Variants in OPRD1 observed in about 807,000 individuals in gnomAD.
OPRD1 encodes opioid receptor delta 1.
OPRD1 carries 19 observed loss-of-function variants against 17.5 expected under a neutral mutation model. That is an observed-to-expected ratio of 1.09 (90% CI 0.76 to 1.60). The LOEUF (loss-of-function observed/expected upper bound fraction) is 1.60, where lower values mean the gene tolerates loss of function less well. Ranked by LOEUF, OPRD1 falls within the 40% of genes most tolerant of loss-of-function variation. The probability of loss-of-function intolerance (pLI) is 0.00; values close to 1 mark genes in which losing one functional copy is unlikely to be tolerated. For synonymous variants in OPRD1, 256 were observed against 240.9 expected (o/e 1.06, Z -0.58); for missense variants, 483 against 547.2 (o/e 0.88, Z 1.17).
intron 1 of OPRD1, among the ~76,000 whole-genome samples, chr1:28,823,819 G>A (rs1167144822): frequency 1.3e-5 from 2 of 149,662 alleles, no homozygotes; most frequent in African/African-American, 4.9e-5. Flanking sequence ...GTGAGCCACC[G>A]TGCCCAGCCC....
rs2089155065 is a variant in OPRD1, at chr1:28,864,456, AC to A, written c.*1175del. On this transcript the variant is annotated 3_prime_UTR_variant, in exon 3 of 3. Transcript: ENST00000234961. ...CTCCAGGATAGGGTAATAAGACAGG[AC>A]CTTGGTTGGAGTAGGGTCCCCAGAA... is the stretch of plus-strand genomic sequence containing the variant. 6.6e-6 allele frequency: 1 copy of A among 151,562 alleles called. No individual in the cohort carries two copies. Among genetic ancestry groups the A allele is most frequent in the Non-Finnish European group, 1.5e-5 (1 of 67,966 alleles). The allele number at this position is 151,562 out of a possible 1,614,324, so 9.4% of individuals were successfully genotyped here. A position where few individuals can be genotyped will look rare whatever the true frequency, so the allele number is the denominator to read the frequency against.
intron 1 of OPRD1, among the ~76,000 whole-genome samples, chr1:28,842,253 C>T (rs1445585303): frequency 6.6e-6 from 1 of 152,196 alleles, no homozygotes; most frequent in Non-Finnish European, 1.5e-5. Context: ...TGGTCTCCAA[C>T]GCCTGAGCTC....
At chr1:28,845,977 T>C (rs1240086807) in intron 1 of OPRD1, among the ~76,000 whole-genome samples, 1 of 152,184 alleles carries the variant, frequency 6.6e-6, no homozygotes, top group Non-Finnish European at 1.5e-5. Flanking sequence ...CTGTTTAAAG[T>C]CTTCAATGGC....
intron 2 of OPRD1, among the ~76,000 whole-genome samples, chr1:28,861,732 C>T (rs1031092427): frequency 6.7e-6 from 1 of 149,256 alleles, no homozygotes; most frequent in Non-Finnish European, 1.5e-5. Context: ...GGCATGAGCC[C>T]CATGCCTGGC....
intron 1 of OPRD1, among the ~76,000 whole-genome samples, chr1:28,818,019 T>C (rs1317744444): frequency 6.6e-6 from 1 of 152,120 alleles, no homozygotes; most frequent in African/African-American, 2.4e-5. Context: ...TGCGCCTGGC[T>C]CATTTTATCA....
At chr1:28,856,423 C>A (rs1178834935) in intron 1 of OPRD1, among the ~76,000 whole-genome samples, 1 of 152,206 alleles carries the variant, frequency 6.6e-6, no homozygotes, top group Non-Finnish European at 1.5e-5. Flanking sequence ...CCAGGCTCTT[C>A]CGGTAATTCT....
chr1:28,849,016 G>T (rs555342703), intron 1 of OPRD1, among the ~76,000 whole-genome samples: 2 of 152,242 alleles, frequency 1.3e-5, no homozygotes, highest in East Asian at 1.9e-4. Context: ...AGAAGGCAAG[G>T]TTTTTTCTTT....
intron 1 of OPRD1, among the ~76,000 whole-genome samples, chr1:28,822,218 G>A (rs2088721199): frequency 6.6e-6 from 1 of 151,874 alleles, no homozygotes; most frequent in Admixed American, 6.6e-5. Context: ...CAAAGTGTTG[G>A]GATTACAGGT....
chr1:28,844,875 G>C (rs866277270), intron 1 of OPRD1, among the ~76,000 whole-genome samples: 2 of 152,080 alleles, frequency 1.3e-5, no homozygotes, highest in Middle Eastern at 3.4e-3. Flanking sequence ...CTCCCGAGTA[G>C]CTGGGATTAC....
Position 28,867,645 on chromosome 1 carries a change from A to T in OPRD1, c.*4362A>T, listed in dbSNP as rs1038953231. On this transcript the variant is annotated 3_prime_UTR_variant, in exon 3 of 3. Coordinates refer to ENST00000234961, the MANE Select transcript of OPRD1 (RefSeq NM_000911.4). ...GTGTGAGCCACTGTGCCCAGCTCTC[A>T]TACCTCGTCTTGATGCAGTAGAAGT... 1.3e-5 allele frequency: 2 copies of T among 152,274 alleles called. No individual in the cohort carries two copies. Among genetic ancestry groups the T allele is most frequent in the African/African-American group, 4.8e-5 (2 of 41,372 alleles). The allele number at this position is 152,274 out of a possible 1,614,324, so 9.4% of individuals were successfully genotyped here.
chr1:28,841,229 C>A (rs1223749338), intron 1 of OPRD1, among the ~76,000 whole-genome samples: 1 of 152,238 alleles, frequency 6.6e-6, no homozygotes, highest in Non-Finnish European at 1.5e-5. Context: ...CCTGACCCCA[C>A]CTGGGCTGTG....
intron 2 of OPRD1, 27 bp from the exon 3 acceptor site, chr1:28,862,715 C>T: frequency 6.4e-7 from 1 of 1,557,986 alleles, no homozygotes; most frequent in Non-Finnish European, 8.7e-7. Flanking sequence ...CTCACCCCGT[C>T]TGTCTTTCCT....
chr1:28,837,522 C>T (rs1401833557), intron 1 of OPRD1, among the ~76,000 whole-genome samples: 1 of 151,796 alleles, frequency 6.6e-6, no homozygotes, highest in East Asian at 1.9e-4. Flanking sequence ...GTGGCGTGCA[C>T]CTGTAGTCCT....
In OPRD1 at chr1:28,839,302, C is replaced by G. The variant is rs559676256; in HGVS notation, c.228-19652C>G. 1.8e-4 allele frequency among the ~76,000 whole-genome samples: 28 copies of G among 152,178 alleles called. No homozygotes were observed. The South Asian group carries it at 5.0e-3, about 27-fold the overall frequency. ...ATTTCTGCTTCCCTCTTCACACGGC[C>G]CTCTCCTCTCCTCCCTGTGTGTCTC... On this transcript the variant is annotated intron_variant, in intron 1 of 2. Transcript: ENST00000234961.
chr1:28,817,635 T>G (rs762771852), intron 1 of OPRD1, among the ~76,000 whole-genome samples: 31 of 152,176 alleles, frequency 2.0e-4, no homozygotes, highest in Non-Finnish European at 3.5e-4. Flanking sequence ...TGGTAAAGGT[T>G]GTGACTAGAG....
Position 28,859,053 on chromosome 1 carries a change from C to T in OPRD1, c.327C>T (p.Tyr109=). ...CGCTGCCTTTCCAGAGTGCCAAGTACCTGATGGAGACGTGGCCCTTCGGCG... is the reference window on the plus strand; with the variant it reads ...CGCTGCCTTTCCAGAGTGCCAAGTATCTGATGGAGACGTGGCCCTTCGGCG... ...TSTLPFQSAK[Y]LMETWPFGEL... The change falls in exon 2 of 3, where the codon TAC becomes TAT. Residue 109 remains tyrosine, a synonymous_variant. Transcript: ENST00000234961. 1.2e-6 allele frequency: 2 copies of T among 1,614,202 alleles called. No homozygotes were observed. Among genetic ancestry groups the T allele is most frequent in the Non-Finnish European group, 1.7e-6 (2 of 1,180,044 alleles).
At chr1:28,849,583 A>G (rs2088981720) in intron 1 of OPRD1, among the ~76,000 whole-genome samples, 1 of 152,226 alleles carries the variant, frequency 6.6e-6, no homozygotes, top group South Asian at 2.1e-4. Flanking sequence ...GCTGCCAGTT[A>G]TTTAGTGCTT....
At chr1:28,825,664 G>A (rs572893709) in intron 1 of OPRD1, among the ~76,000 whole-genome samples, 4 of 152,338 alleles carry the variant, frequency 2.6e-5, no homozygotes, top group African/African-American at 4.8e-5. Flanking sequence ...GATTACAGGC[G>A]TGAGCCACAG....
intron 1 of OPRD1, among the ~76,000 whole-genome samples, chr1:28,824,283 A>T (rs1230934160): frequency 6.7e-6 from 1 of 148,618 alleles, no homozygotes; most frequent in African/African-American, 2.5e-5. Context: ...TAGAACTGTG[A>T]CTCATGGATG....
Sources: allele counts gnomAD v4.1 joint callset (sites outside exome capture counted in the v4.1 genomes callset), GRCh38; gene constraint gnomAD v4.1.1; transcripts MANE v1.5; gene names NCBI Gene and HGNC (gene_info 2026-07-23, HGNC 2026-07-21).